The following SKAP2 variants were observed in gnomAD, a reference collection of about 807,000 sequenced individuals.
SKAP2 encodes src kinase-associated phosphoprotein 2.
A neutral mutation model predicts 54.9 loss-of-function variants in SKAP2; 28 were observed. The observed-to-expected ratio is 0.51, with a 90% CI of 0.38 to 0.70. The LOEUF (loss-of-function observed/expected upper bound fraction) is 0.70. Among genes scored for constraint, SKAP2 ranks in the 30% least tolerant of loss-of-function variants. The pLI, the probability that SKAP2 is intolerant of heterozygous loss-of-function variation, is 0.00. For synonymous variants in SKAP2, 137 were observed against 134.3 expected (o/e 1.02, Z -0.14); for missense variants, 356 against 424.1 (o/e 0.84, Z 1.41).
At chr7:26,800,867 T>C (rs1353606449) in intron 4 of SKAP2, among the ~76,000 whole-genome samples, 3 of 151,998 alleles carry the variant, frequency 2.0e-5, no homozygotes. Context: ...CATCTCCCAG[T>C]AAAGAAAAGC....
the SKAP2 span, among the ~76,000 whole-genome samples, chr7:26,658,629 G>A: frequency 4.0e-5 from 6 of 151,810 alleles, no homozygotes; most frequent in African/African-American, 9.7e-5. Context: ...ATTTCACTTC[G>A]TTTTCTTTGT....
intron 6 of SKAP2, among the ~76,000 whole-genome samples, chr7:26,738,189 T>G (rs1472702826): frequency 6.6e-6 from 1 of 152,228 alleles, no homozygotes; most frequent in Admixed American, 6.5e-5. Flanking sequence ...AACAAGTCAC[T>G]TAACCTCTCT....
chr7:26,781,479 T>C (rs893077233), intron 4 of SKAP2, among the ~76,000 whole-genome samples: 1 of 152,152 alleles, frequency 6.6e-6, no homozygotes, highest in East Asian at 1.9e-4. Context: ...TCAGAGATAT[T>C]TGCATATTTA....
At chr7:26,801,533 A>T (rs55904994) in intron 4 of SKAP2, among the ~76,000 whole-genome samples, 2 of 151,966 alleles carry the variant, frequency 1.3e-5, no homozygotes, top group African/African-American at 4.8e-5. Flanking sequence ...GAAAGAAATA[A>T]AGGCATCCAA....
At chr7:26,718,755 C>T (rs747500020) in intron 9 of SKAP2, among the ~76,000 whole-genome samples, 15 of 152,206 alleles carry the variant, frequency 9.9e-5, no homozygotes, top group Non-Finnish European at 1.9e-4. Context: ...CTGCCCACCT[C>T]GGCCTCCCAA....
At chr7:26,712,105 A>G (rs1413700378) in intron 9 of SKAP2, among the ~76,000 whole-genome samples, 1 of 152,226 alleles carries the variant, frequency 6.6e-6, no homozygotes, top group African/African-American at 2.4e-5. Context: ...GTATAGGTTG[A>G]ATATTCCTCA....
In SKAP2 at chr7:26,669,183, T is replaced by G. The variant is rs372090166; in HGVS notation, c.*483A>C. On this transcript the variant is annotated 3_prime_UTR_variant, in exon 13 of 13. Coordinates refer to ENST00000345317, the MANE Select transcript of SKAP2 (RefSeq NM_003930.5). ...AAGTTTGAACATTCTTTAGCATTCT[T>G]TGTTTAGCAACCACATTCTTCAGCA... 39 of 152,324 alleles carry G rather than the reference T, an allele frequency of 2.6e-4. No individual in the cohort carries two copies. The highest frequency in any genetic ancestry group is 9.1e-4 in the African/African-American group (38 of 41,572). 9.4% of individuals were successfully genotyped at this position (152,324 alleles called of 1,614,324 possible). A position where few individuals can be genotyped will look rare whatever the true frequency, so the allele number is the denominator to read the frequency against.
At chr7:26,780,132 G>C (rs10085562) in intron 4 of SKAP2, among the ~76,000 whole-genome samples, 12,616 of 152,138 alleles carry the variant, frequency 0.083, 572 homozygotes, top group Middle Eastern at 0.13. Flanking sequence ...CTTTGGAGAA[G>C]TTGCTTAACC....
chr7:26,778,762 T>A (rs141587638), intron 4 of SKAP2, among the ~76,000 whole-genome samples: 1 of 151,946 alleles, frequency 6.6e-6, no homozygotes, highest in South Asian at 2.1e-4. Flanking sequence ...AATGTAAACA[T>A]GTAATACAAA....
chr7:26,667,827 T>C lies in SKAP2; in HGVS notation c.*1839A>G, dbSNP rs755381122. On this transcript the variant is annotated 3_prime_UTR_variant, in exon 13 of 13. Transcript: ENST00000345317. ...CAAACCCAAATCCACAAAGGCTACA[T>C]TGTCATGGGAAACAACGGCTTTTGC... is the stretch of plus-strand genomic sequence containing the variant. 6.6e-6 allele frequency: 1 copy of C among 152,402 alleles called. No individual in the cohort carries two copies. The highest frequency in any genetic ancestry group is 2.4e-5 in the African/African-American group (1 of 41,454). 9.4% of individuals were successfully genotyped at this position (152,402 alleles called of 1,614,324 possible).
intron 4 of SKAP2, among the ~76,000 whole-genome samples, chr7:26,740,639 T>C (rs1468661407): frequency 6.6e-6 from 1 of 152,210 alleles, no homozygotes; most frequent in African/African-American, 2.4e-5. Flanking sequence ...TCATGGATTA[T>C]AGGTTACTCA....
At chr7:26,812,596 C>T (rs1784171575) in intron 4 of SKAP2, among the ~76,000 whole-genome samples, 1 of 151,908 alleles carries the variant, frequency 6.6e-6, no homozygotes, top group Non-Finnish European at 1.5e-5. Context: ...TGAATTACGT[C>T]GACAAAATAT....
intron 6 of SKAP2, among the ~76,000 whole-genome samples, chr7:26,735,611 T>C (rs781073739): frequency 4.6e-5 from 7 of 152,206 alleles, no homozygotes; most frequent in Non-Finnish European, 7.3e-5. Flanking sequence ...TAGTAAGTGG[T>C]GTCAACTCCT....
chr7:26,799,282 GA>G (rs144648230), intron 4 of SKAP2, among the ~76,000 whole-genome samples: 43,511 of 148,116 alleles, frequency 0.29, 6,521 homozygotes, highest in Middle Eastern at 0.37. Flanking sequence ...CTGAATGGAA[GA>G]AAAAAAAAAC....
chr7:26,791,158 C>A (rs1039145798), intron 4 of SKAP2, among the ~76,000 whole-genome samples: 1 of 152,142 alleles, frequency 6.6e-6, no homozygotes, highest in Non-Finnish European at 1.5e-5. Flanking sequence ...ATTATCATAT[C>A]ACATATTTAG....
chr7:26,694,917 G>A (rs1048531253), intron 9 of SKAP2, among the ~76,000 whole-genome samples: 1 of 152,070 alleles, frequency 6.6e-6, no homozygotes, highest in Non-Finnish European at 1.5e-5. Flanking sequence ...TAGCTATGCA[G>A]TTTTTACAAA....
At chr7:26,771,255 G>T (rs898066148) in intron 4 of SKAP2, among the ~76,000 whole-genome samples, 5 of 152,118 alleles carry the variant, frequency 3.3e-5, no homozygotes. Flanking sequence ...CAAACCTAAA[G>T]GTACACTCGC....
chr7:26,698,590 A>G (rs1786949800), intron 9 of SKAP2, among the ~76,000 whole-genome samples: 1 of 152,226 alleles, frequency 6.6e-6, no homozygotes, highest in Non-Finnish European at 1.5e-5. Flanking sequence ...ACGTAACTTT[A>G]ATATTCTATG....
chr7:26,755,427 C>A (rs986457698), intron 4 of SKAP2, among the ~76,000 whole-genome samples: 2 of 151,918 alleles, frequency 1.3e-5, no homozygotes, highest in African/African-American at 4.8e-5. Context: ...AAAACATTTG[C>A]ATGGATGTCA....
Sources: allele counts gnomAD v4.1 joint callset (sites outside exome capture counted in the v4.1 genomes callset), GRCh38; gene constraint gnomAD v4.1.1; transcripts MANE v1.5; gene names NCBI Gene and HGNC (gene_info 2026-07-23, HGNC 2026-07-21).